Variants in WNT3A observed in about 807,000 individuals in gnomAD.
WNT3A encodes the protein protein Wnt-3a.
Under a neutral mutation model 37.0 loss-of-function variants are expected in WNT3A, and 17 were observed. The ratio of observed to expected loss-of-function variants is 0.46; its 90% CI spans 0.31 to 0.69. The LOEUF is 0.69. Among genes scored for constraint, WNT3A ranks in the 30% least tolerant of loss-of-function variants. The pLI is 0.05. For missense variants in WNT3A, 411 were observed against 510.2 expected (o/e 0.81, Z 1.87); for synonymous variants, 187 against 211.0 (o/e 0.89, Z 0.99).
intron 1 of WNT3A, among the ~76,000 whole-genome samples, chr1:228,017,331 C>A (rs1378394333): frequency 1.3e-5 from 2 of 152,172 alleles, no homozygotes; most frequent in Non-Finnish European, 2.9e-5. Flanking sequence ...GAGAAACAAC[C>A]AGCTTCAGCA....
rs1456072422 is a variant in WNT3A, at chr1:228,059,893, C to T, written c.*428C>T. 5 of 1,047,322 alleles carry T rather than the reference C, an allele frequency of 4.8e-6. No homozygotes were observed. Among genetic ancestry groups the T allele is most frequent in the East Asian group, 9.3e-5 (1 of 10,724 alleles). The allele number at this position is 1,047,322 out of a possible 1,614,324, so 64.9% of individuals were successfully genotyped here. ...AGGCTTCTACCTGCAGGCGGGGCTCCTCCTGAAGGAGGCGGGGCTCTAGGA... is the reference window on the plus strand; with the variant it reads ...AGGCTTCTACCTGCAGGCGGGGCTCTTCCTGAAGGAGGCGGGGCTCTAGGA... On this transcript the variant is annotated 3_prime_UTR_variant, in exon 4 of 4. Transcript: ENST00000284523.
intron 3 of WNT3A, among the ~76,000 whole-genome samples, chr1:228,056,945 A>T (rs186419200): frequency 3.3e-5 from 5 of 152,354 alleles, no homozygotes; most frequent in African/African-American, 4.8e-5. Context: ...ATTAAATGAG[A>T]TAGTAGAAAA....
chr1:228,034,988 G>T (rs939871388), intron 2 of WNT3A, among the ~76,000 whole-genome samples: 18 of 152,096 alleles, frequency 1.2e-4, no homozygotes, highest in Admixed American at 9.2e-4. Context: ...TGCCACACAG[G>T]TATACATGTG....
Position 228,025,099 on chromosome 1 carries a change from T to C in WNT3A, c.313+2191T>C, listed in dbSNP as rs1206765603. Among the ~76,000 whole-genome samples the C allele has an allele frequency of 2.0e-5, 3 of 152,204 alleles. No homozygotes were observed. The East Asian group carries it at 5.8e-4, about 29-fold the overall frequency. ...AGTTTTCCAGCTTTGTTCTTTCTTT[T>C]CCAGATTGTTTGGGGGGGACAGGAA... On this transcript the variant is annotated intron_variant, in intron 2 of 3. Transcript: ENST00000284523.
chr1:228,015,198 T>A (rs2030490292), intron 1 of WNT3A, among the ~76,000 whole-genome samples: 1 of 152,226 alleles, frequency 6.6e-6, no homozygotes, highest in African/African-American at 2.4e-5. Flanking sequence ...GATCACACGA[T>A]GGTTCCACTA....
chr1:228,023,733 C>T (rs1019538712), intron 2 of WNT3A, among the ~76,000 whole-genome samples: 1 of 152,194 alleles, frequency 6.6e-6, no homozygotes, highest in African/African-American at 2.4e-5. Flanking sequence ...ATTTGGTATA[C>T]TCACAGAATT....
chr1:228,054,300 C>G (rs566780519), intron 3 of WNT3A, among the ~76,000 whole-genome samples: 16 of 152,296 alleles, frequency 1.1e-4, no homozygotes, highest in Non-Finnish European at 1.0e-4. Flanking sequence ...CTCCTCTAAG[C>G]CTATAAATGT....
intron 2 of WNT3A, among the ~76,000 whole-genome samples, chr1:228,044,645 C>A (rs2031360357): frequency 6.6e-6 from 1 of 152,204 alleles, no homozygotes; most frequent in Non-Finnish European, 1.5e-5. Flanking sequence ...ATTGTGTGTC[C>A]CATTTCAGGC....
intron 2 of WNT3A, among the ~76,000 whole-genome samples, chr1:228,033,341 C>T (rs562995185): frequency 6.6e-6 from 1 of 151,348 alleles, no homozygotes; most frequent in South Asian, 2.1e-4. Flanking sequence ...CTTTAATTTT[C>T]ATCGACGATG....
chr1:228,042,812 A>G lies in WNT3A; in HGVS notation c.314-7844A>G, dbSNP rs1571808985. Among the ~76,000 whole-genome samples, 1 of 151,622 alleles carries G rather than the reference A, an allele frequency of 6.6e-6. No individual in the cohort carries two copies. Among genetic ancestry groups the G allele is most frequent in the Admixed American group, 6.6e-5 (1 of 15,224 alleles). On this transcript the variant is annotated intron_variant, in intron 2 of 3. Coordinates refer to ENST00000284523, the MANE Select transcript of WNT3A (RefSeq NM_033131.4). The surrounding 1 kb of genome is among the most constrained non-coding windows in gnomAD (Gnocchi z 5.2). ...ATGGATAGATGTGGATGATGGATGGATGGATAATGGATGATGGATGGATGT... is the reference window on the plus strand; with the variant it reads ...ATGGATAGATGTGGATGATGGATGGGTGGATAATGGATGATGGATGGATGT...
At chr1:228,016,962 C>A (rs2030552022) in intron 1 of WNT3A, among the ~76,000 whole-genome samples, 1 of 152,160 alleles carries the variant, frequency 6.6e-6, no homozygotes, top group African/African-American at 2.4e-5. Flanking sequence ...CCACTAGGCC[C>A]CACCTCCAAC....
chr1:228,040,989 AT>A (rs2031270423), intron 2 of WNT3A, among the ~76,000 whole-genome samples: 2 of 146,082 alleles, frequency 1.4e-5, no homozygotes, highest in African/African-American at 5.0e-5. Context: ...ATATATATAT[AT>A]ATATAATATC....
In WNT3A at chr1:228,008,678, G is replaced by A. The variant is rs183101932; in HGVS notation, c.71+1479G>A. On this transcript the variant is annotated intron_variant, in intron 1 of 3. Coordinates refer to ENST00000284523, the MANE Select transcript of WNT3A (RefSeq NM_033131.4). This position sits in a 1 kb window ranked among gnomAD's most constrained non-coding sequence, Gnocchi z 4.9. ...AGCCAGGGGCAGCGCGTCCGTCCGAGAGAGCCCCGAGGGCTGCCGGCTTAC... is the reference window on the plus strand; with the variant it reads ...AGCCAGGGGCAGCGCGTCCGTCCGAAAGAGCCCCGAGGGCTGCCGGCTTAC... Among the ~76,000 whole-genome samples, 13 of 152,304 alleles carry A rather than the reference G, an allele frequency of 8.5e-5. No homozygotes were observed. The East Asian group carries it at 2.5e-3, about 30-fold the overall frequency.
chr1:228,032,965 T>G (rs1030624351), intron 2 of WNT3A, among the ~76,000 whole-genome samples: 1 of 152,256 alleles, frequency 6.6e-6, no homozygotes, highest in African/African-American at 2.4e-5. Context: ...ATTGGCCATT[T>G]GCCTCTCTTC....
chr1:228,040,867 C>T (rs1015759403), intron 2 of WNT3A, among the ~76,000 whole-genome samples: 3 of 128,232 alleles, frequency 2.3e-5, no homozygotes, highest in African/African-American at 6.1e-5. Flanking sequence ...GCCTGGGCGA[C>T]AGAACGAGAC....
intron 2 of WNT3A, among the ~76,000 whole-genome samples, chr1:228,041,493 A>AATCCATC (rs1454594560): frequency 4.6e-5 from 7 of 150,940 alleles, no homozygotes; most frequent in African/African-American, 1.7e-4. Context: ...GCCATCCATC[A>AATCCATC]ATCCATCATC....
At chr1:228,046,189 G>A (rs1457083645) in intron 2 of WNT3A, among the ~76,000 whole-genome samples, 1 of 152,260 alleles carries the variant, frequency 6.6e-6, no homozygotes, top group South Asian at 2.1e-4. Flanking sequence ...GATCCAGAGG[G>A]GGCCTGGCAT....
intron 1 of WNT3A, among the ~76,000 whole-genome samples, chr1:228,019,066 C>A (rs1431989726): frequency 2.0e-5 from 3 of 152,238 alleles, no homozygotes; most frequent in Non-Finnish European, 4.4e-5. Flanking sequence ...TGGCCACCTG[C>A]ACCCTGGCCA....
Position 228,060,134 on chromosome 1 carries a change from G to T in WNT3A, c.*669G>T, listed in dbSNP as rs1291979508. The T allele has an allele frequency of 7.5e-7, 1 of 1,338,488 alleles. No homozygotes were observed. Among genetic ancestry groups the T allele is most frequent in the Non-Finnish European group, 9.9e-7 (1 of 1,014,016 alleles). 82.9% of individuals were successfully genotyped at this position (1,338,488 alleles called of 1,614,324 possible). A position where few individuals can be genotyped will look rare whatever the true frequency, so the allele number is the denominator to read the frequency against. ...TCTGGGACCAGGCTCCAATGGGGCG[G>T]GGCTTCTCTCCGCGGGTGGGACTCT... is the stretch of plus-strand genomic sequence containing the variant. On this transcript the variant is annotated 3_prime_UTR_variant, in exon 4 of 4. Coordinates refer to ENST00000284523, the MANE Select transcript of WNT3A (RefSeq NM_033131.4).
Sources: gnomAD v4.1 joint callset for allele counts (sites outside exome capture counted in the v4.1 genomes callset) on GRCh38, gnomAD v4.1.1 for gene constraint, Gnocchi (gnomAD v3.1) non-coding constraint, MANE v1.5 for transcripts, NCBI Gene and HGNC (gene_info 2026-07-23, HGNC 2026-07-21) for gene names.